Variants in UBE2F observed in about 807,000 individuals in gnomAD.
UBE2F encodes the protein NEDD8-conjugating enzyme UBE2F.
In UBE2F, 5 loss-of-function variants were observed where a neutral mutation model predicts 29.6. The ratio of observed to expected loss-of-function variants is 0.17; its 90% CI spans 0.09 to 0.36. The LOEUF is 0.36. Among genes scored for constraint, UBE2F ranks in the 10% least tolerant of loss-of-function variants. UBE2F has a pLI of 1.00. For synonymous variants in UBE2F, 66 were observed against 81.8 expected, an observed-to-expected ratio of 0.81 and a Z score of 1.04; for missense variants, 141 against 228.5, an observed-to-expected ratio of 0.62 and a Z score of 2.47.
At chr2:238,002,901 GGAT>G (rs1411836657) in intron 4 of UBE2F, among the ~76,000 whole-genome samples, 1 of 152,144 alleles carries the variant, frequency 6.6e-6, no homozygotes, top group Non-Finnish European at 1.5e-5. Context: ...CAAAGTGCTG[GGAT>G]TAAAGGCATG....
At chr2:238,008,749 A>T (rs936555732) in intron 4 of UBE2F, among the ~76,000 whole-genome samples, 7 of 152,192 alleles carry the variant, frequency 4.6e-5, no homozygotes, top group Admixed American at 2.6e-4. Flanking sequence ...AAACAGTAGT[A>T]TGTTTCCATT....
At chr2:238,006,803 T>C (rs2063918393) in intron 4 of UBE2F, among the ~76,000 whole-genome samples, 1 of 148,850 alleles carries the variant, frequency 6.7e-6, no homozygotes. Flanking sequence ...TTTCCCAGGC[T>C]GGAGTACAAT....
intron 8 of UBE2F, 24 bp from the exon 9 acceptor site, chr2:238,035,854 A>C (rs2064696940): frequency 5.7e-6 from 9 of 1,592,262 alleles, no homozygotes; most frequent in Non-Finnish European, 7.7e-6. Context: ...CCCAATGTTT[A>C]CTTTAAGTTT....
intron 4 of UBE2F, among the ~76,000 whole-genome samples, chr2:238,006,063 TGAA>T (rs2063897613): frequency 6.6e-6 from 1 of 152,170 alleles, no homozygotes; most frequent in African/African-American, 2.4e-5. Flanking sequence ...AGGTAATTTG[TGAA>T]GAAGAGGCTA....
intron 2 of UBE2F, among the ~76,000 whole-genome samples, chr2:237,981,815 C>G (rs934842560): frequency 6.6e-6 from 1 of 151,674 alleles, no homozygotes; most frequent in South Asian, 2.1e-4. Context: ...TTTGTAGAGA[C>G]AAGGTTTCGC....
intron 6 of UBE2F, among the ~76,000 whole-genome samples, 192 bp downstream of exon 6, chr2:238,025,604 T>C (rs1006538424): frequency 5.9e-5 from 9 of 152,094 alleles, no homozygotes; most frequent in Non-Finnish European, 1.2e-4. Flanking sequence ...TCCAGACGAG[T>C]GTCTTCTCTT....
rs760746607 is a variant in UBE2F, at chr2:238,040,090, CAG to C, written c.508-1195_508-1194del. ...CAGGGCAGAGGCACCTGGGTAGACT[CAG>C]AGCACTCCACTTTCTCACCCTGAGA... On this transcript the variant is annotated intron_variant, in intron 9 of 9. Transcript: ENST00000272930. The surrounding 1 kb of genome is among the most constrained non-coding windows in gnomAD (Gnocchi z 4.4). 6.6e-6 allele frequency among the ~76,000 whole-genome samples: 1 copy of C among 152,200 alleles called. No homozygotes were observed. The highest frequency in any genetic ancestry group is 1.5e-5 in the Non-Finnish European group (1 of 68,036).
At chr2:237,988,547 C>T (rs764162518) in intron 3 of UBE2F, among the ~76,000 whole-genome samples, 3 of 148,590 alleles carry the variant, frequency 2.0e-5, no homozygotes, top group Non-Finnish European at 3.0e-5. Context: ...ACCCAAGAGG[C>T]GGAGGTTGCA....
intron 3 of UBE2F, among the ~76,000 whole-genome samples, chr2:237,993,134 C>T (rs2063623226): frequency 6.6e-6 from 1 of 151,754 alleles, no homozygotes; most frequent in Admixed American, 6.6e-5. Flanking sequence ...ACTACAGGCG[C>T]CCGCCACCTT....
rs537541527 is a variant in UBE2F, at chr2:237,993,808, A to G, written c.149-936A>G. Among the ~76,000 whole-genome samples, 3 of 152,238 alleles carry G rather than the reference A, an allele frequency of 2.0e-5. No homozygotes were observed. In the East Asian group the frequency reaches 5.8e-4, roughly 29 times the overall value. On this transcript the variant is annotated intron_variant, in intron 3 of 9. Coordinates refer to ENST00000272930, the MANE Select transcript of UBE2F (RefSeq NM_080678.3). ...TCCTTGGGTATTTTTCCTATGGGTA[A>G]TTAGCTGTGTGTCATTTGTTTGAAG...
chr2:237,971,268 T>C lies in UBE2F; in HGVS notation c.-16-1824T>C, dbSNP rs571908379. ...CGATCAGAGTGGTATTGAAATAAAA[T>C]GATACGAAAGCAACAAAGGAAATTA... is the stretch of plus-strand genomic sequence containing the variant. On this transcript the variant is annotated intron_variant, in intron 1 of 9. Coordinates refer to ENST00000272930, the MANE Select transcript of UBE2F (RefSeq NM_080678.3). 2.0e-5 allele frequency among the ~76,000 whole-genome samples: 3 copies of C among 152,370 alleles called. No individual in the cohort carries two copies. The East Asian group carries it at 5.8e-4, about 29-fold the overall frequency.
chr2:237,979,428 G>A (rs1299907353), intron 2 of UBE2F, among the ~76,000 whole-genome samples: 1 of 152,222 alleles, frequency 6.6e-6, no homozygotes, highest in Non-Finnish European at 1.5e-5. Flanking sequence ...AGTGTTGGGG[G>A]AGAAAGAGAA....
At chr2:238,003,694 GT>G (rs1295109975) in intron 4 of UBE2F, among the ~76,000 whole-genome samples, 2 of 152,104 alleles carry the variant, frequency 1.3e-5, no homozygotes, top group Admixed American at 1.3e-4. Flanking sequence ...CACTCTTTAA[GT>G]TTCCCGTTCC....
chr2:237,972,541 ATTTTTTTTT>A (rs57914670), intron 1 of UBE2F, among the ~76,000 whole-genome samples: 3 of 124,254 alleles, frequency 2.4e-5, no homozygotes, highest in South Asian at 2.5e-4. Context: ...TTAATTTTAA[ATTTTTTTTT>A]TTTTTTTTTT....
At chr2:238,017,730 C>A (rs914141027) in intron 5 of UBE2F, among the ~76,000 whole-genome samples, 2 of 152,156 alleles carry the variant, frequency 1.3e-5, no homozygotes, top group Admixed American at 1.3e-4. Context: ...TTCTAACTAA[C>A]CCTCTTGGCC....
rs565995511 is a variant in UBE2F, at chr2:238,007,210, C to T, written c.215-9356C>T. Reference sequence around the variant, plus strand: ...GATCTCAGCTCACTGCATTCTCTGCCTCCCGGGTTCAGGCGATTCATGTGC... The same window carrying T: ...GATCTCAGCTCACTGCATTCTCTGCTTCCCGGGTTCAGGCGATTCATGTGC... On this transcript the variant is annotated intron_variant, in intron 4 of 9. Transcript: ENST00000272930. 2.6e-5 allele frequency among the ~76,000 whole-genome samples: 4 copies of T among 152,282 alleles called. No homozygotes were observed. The South Asian group carries it at 8.3e-4, about 32-fold the overall frequency.
intron 2 of UBE2F, among the ~76,000 whole-genome samples, chr2:237,987,697 T>A (rs187083933): frequency 6.6e-6 from 1 of 152,318 alleles, no homozygotes; most frequent in East Asian, 1.9e-4. Context: ...TATAGGTCAT[T>A]TCTATGTTAA....
chr2:237,971,733 C>A (rs7591695), intron 1 of UBE2F, among the ~76,000 whole-genome samples: 131,555 of 152,254 alleles, frequency 0.86, 57,024 homozygotes, highest in East Asian at 0.97. Flanking sequence ...CAGAGTCTAG[C>A]GGATAGTTAC....
rs111656101 is a variant in UBE2F at position 237,995,280 on chromosome 2, G to C, written c.214+471G>C. ...ACTTAAGCCCAGGGTCTGGCACACAGAAGCAGACAGAAGATTACCAGCTGT... is the reference window on the plus strand; with the variant it reads ...ACTTAAGCCCAGGGTCTGGCACACACAAGCAGACAGAAGATTACCAGCTGT... On this transcript the variant is annotated intron_variant, in intron 4 of 9. Transcript: ENST00000272930. Among the ~76,000 whole-genome samples, 297 of 152,348 alleles carry C rather than the reference G, an allele frequency of 1.9e-3. 2 individuals are homozygous for C. Among genetic ancestry groups the C allele is most frequent in the African/African-American group, 6.7e-3 (280 of 41,578 alleles).
Sources: gnomAD v4.1 joint callset for allele counts (sites outside exome capture counted in the v4.1 genomes callset) on GRCh38, gnomAD v4.1.1 for gene constraint, Gnocchi (gnomAD v3.1) non-coding constraint, MANE v1.5 for transcripts, NCBI Gene and HGNC (gene_info 2026-07-23, HGNC 2026-07-21) for gene names.